Variants in CEP112 observed in about 807,000 individuals in gnomAD.
CEP112 encodes centrosomal protein 112, also known as centrosomal protein of 112 kDa.
Under a neutral mutation model 153.0 loss-of-function variants are expected in CEP112, and 127 were observed. The observed-to-expected ratio is 0.83, with a 90% CI of 0.72 to 0.96. The LOEUF (loss-of-function observed/expected upper bound fraction) is 0.96. CEP112 is among the 40% of genes least tolerant of loss of function. The probability of loss-of-function intolerance (pLI) is 0.00; values close to 1 mark genes in which losing one functional copy is unlikely to be tolerated. For missense variants in CEP112, 1,089 were observed against 1,101.2 expected, an observed-to-expected ratio of 0.99 and a Z score of 0.16; for synonymous variants, 358 against 374.4, an observed-to-expected ratio of 0.96 and a Z score of 0.51.
At chr17:65,945,295 T>C (rs2061616727) in intron 18 of CEP112, among the ~76,000 whole-genome samples, 1 of 152,240 alleles carries the variant, frequency 6.6e-6, no homozygotes, top group Non-Finnish European at 1.5e-5. Flanking sequence ...TCTGATGGAT[T>C]TGGGCATTTT....
chr17:65,804,865 ATTTTT>A (rs558599675), intron 21 of CEP112, among the ~76,000 whole-genome samples: 4 of 144,972 alleles, frequency 2.8e-5, no homozygotes, highest in African/African-American at 1.0e-4. Flanking sequence ...TGTACAATTA[ATTTTT>A]TTTTTTTTTG....
intron 16 of CEP112, among the ~76,000 whole-genome samples, chr17:66,019,859 T>C (rs570068765): frequency 4.3e-4 from 66 of 152,326 alleles, no homozygotes; most frequent in African/African-American, 1.5e-3. Flanking sequence ...CCCTTTCTAG[T>C]GTACATTCAC....
chr17:65,911,676 T>C (rs9909828), intron 19 of CEP112, among the ~76,000 whole-genome samples: 1 of 151,796 alleles, frequency 6.6e-6, no homozygotes, highest in African/African-American at 2.4e-5. Context: ...AAAAAATAAA[T>C]AAAAAAGAAA....
intron 24 of CEP112, among the ~76,000 whole-genome samples, chr17:65,660,460 CTCCTTCCTTCCTTCCT>C (rs143750694): frequency 0.29 from 22,759 of 78,028 alleles, 3,285 homozygotes; most frequent in Middle Eastern, 0.39. Context: ...TCTTCTCTCT[CTCCTTCCTTCCTTCCT>C]TCCTTCCTTC....
intron 21 of CEP112, among the ~76,000 whole-genome samples, chr17:65,850,442 G>GCA (rs2057889730): frequency 6.6e-6 from 1 of 152,106 alleles, no homozygotes; most frequent in Admixed American, 6.5e-5. Context: ...AGTGAATGCT[G>GCA]TCAGGTCTAC....
At chr17:66,015,375 G>A (rs182370345) in intron 16 of CEP112, among the ~76,000 whole-genome samples, 10 of 129,754 alleles carry the variant, frequency 7.7e-5, no homozygotes, top group South Asian at 6.4e-4. Flanking sequence ...GTACTTTTTC[G>A]TTCTTGAGTA....
At chr17:65,887,670 C>T (rs537604930) in intron 20 of CEP112, among the ~76,000 whole-genome samples, 8 of 152,266 alleles carry the variant, frequency 5.3e-5, no homozygotes, top group African/African-American at 1.2e-4. Context: ...AATATTCTCA[C>T]GCAAGATCAG....
At chr17:66,101,772 T>G (rs1300977331) in intron 6 of CEP112, among the ~76,000 whole-genome samples, 3 of 151,974 alleles carry the variant, frequency 2.0e-5, no homozygotes. Flanking sequence ...AAATACATGC[T>G]GGAAAAAAAT....
intron 21 of CEP112, among the ~76,000 whole-genome samples, chr17:65,836,076 T>C (rs1401777321): frequency 2.0e-5 from 3 of 152,192 alleles, no homozygotes; most frequent in Non-Finnish European, 2.9e-5. Context: ...AACTAAAAGA[T>C]GTTTTTTGTA....
chr17:65,741,408 T>C (rs2145139858), intron 23 of CEP112, among the ~76,000 whole-genome samples: 2 of 152,056 alleles, frequency 1.3e-5, no homozygotes, highest in South Asian at 4.1e-4. Context: ...CTTAGCTATA[T>C]CTTACCTATA....
At chr17:66,151,598 C>T (rs950930101) in intron 4 of CEP112, among the ~76,000 whole-genome samples, 1 of 152,242 alleles carries the variant, frequency 6.6e-6, no homozygotes, top group Admixed American at 6.5e-5. Context: ...CTCTCTCTTG[C>T]TCTCTTACTT....
At chr17:65,761,165 A>C (rs752873004) in intron 21 of CEP112, among the ~76,000 whole-genome samples, 5 of 151,810 alleles carry the variant, frequency 3.3e-5, no homozygotes, top group African/African-American at 4.8e-5. Context: ...AAACCTATCA[A>C]ATCTATTGAT....
At chr17:65,827,070 C>T (rs2056869860) in intron 21 of CEP112, among the ~76,000 whole-genome samples, 2 of 152,226 alleles carry the variant, frequency 1.3e-5, no homozygotes, top group Admixed American at 6.5e-5. Flanking sequence ...TGGATGCTTC[C>T]TGCCCTTGAA....
rs200084413 is a variant in CEP112, at chr17:65,659,933, GA to G, written c.2698-18869del. 1.8e-3 allele frequency among the ~76,000 whole-genome samples: 267 copies of G among 152,224 alleles called. 10 individuals are homozygous for G. Among genetic ancestry groups the G allele is most frequent in the Admixed American group, 0.016 (245 of 15,282 alleles). On this transcript the variant is annotated intron_variant, in intron 24 of 26. Coordinates refer to ENST00000535342, the MANE Select transcript of CEP112 (RefSeq NM_001199165.4). ...TAGGAACTTTCAAGATGGATGAGAG[GA>G]AGAAAAAACTGCTAGCTGAGGAAAG...
chr17:65,674,471 T>A (rs571388302), intron 24 of CEP112, among the ~76,000 whole-genome samples: 1 of 152,304 alleles, frequency 6.6e-6, no homozygotes, highest in Admixed American at 6.5e-5. Flanking sequence ...GCTGAACAAA[T>A]CTTTCTTTTA....
chr17:65,677,681 G>A (rs547124942), intron 24 of CEP112, among the ~76,000 whole-genome samples: 11 of 152,308 alleles, frequency 7.2e-5, no homozygotes, highest in Non-Finnish European at 1.6e-4. Context: ...GGGAGGCTGA[G>A]GTGGGTGGAT....
intron 26 of CEP112, among the ~76,000 whole-genome samples, chr17:65,636,258 A>G (rs1460689272): frequency 6.6e-6 from 1 of 152,242 alleles, no homozygotes; most frequent in Admixed American, 6.5e-5. Context: ...ATGGAATTAC[A>G]GCAGGTAAAC....
chr17:65,911,996 C>A (rs949374475), intron 19 of CEP112, among the ~76,000 whole-genome samples: 1 of 152,118 alleles, frequency 6.6e-6, no homozygotes, highest in Admixed American at 6.6e-5. Context: ...GGTGGCAGTA[C>A]AAGACTCTTA....
At chr17:66,069,032 G>A (rs2146072145) in intron 9 of CEP112, among the ~76,000 whole-genome samples, 1 of 151,582 alleles carries the variant, frequency 6.6e-6, no homozygotes, top group South Asian at 2.1e-4. Flanking sequence ...TCCAGTCAGT[G>A]GTTTCCTCCT....
Sources: allele counts gnomAD v4.1 joint callset (sites outside exome capture counted in the v4.1 genomes callset), GRCh38; gene constraint gnomAD v4.1.1; transcripts MANE v1.5; gene names NCBI Gene and HGNC (gene_info 2026-07-23, HGNC 2026-07-21).